Variants in ROBO1 observed in about 807,000 individuals in gnomAD.
ROBO1 encodes the protein roundabout guidance receptor 1.
ROBO1 carries 149 observed loss-of-function variants against 195.9 expected under a neutral mutation model. That is an observed-to-expected ratio of 0.76 (90% CI 0.67 to 0.87). The LOEUF is 0.87. Ranked by LOEUF, ROBO1 falls within the 40% of genes least tolerant of loss-of-function variation. The probability of loss-of-function intolerance (pLI) is 0.00; values close to 1 mark genes in which losing one functional copy is unlikely to be tolerated. For missense variants in ROBO1, 1,933 were observed against 2,068.3 expected (o/e 0.93, Z 1.27); for synonymous variants, 816 against 733.2 (o/e 1.11, Z -1.82).
intron 4 of ROBO1, among the ~76,000 whole-genome samples, chr3:78,854,440 G>T (rs576208082): frequency 2.0e-5 from 3 of 150,440 alleles, no homozygotes; most frequent in Non-Finnish European, 4.4e-5. Context: ...TATCTTACTG[G>T]TTCTATTTGT....
intron 2 of ROBO1, among the ~76,000 whole-genome samples, chr3:79,254,530 G>A (rs1012322659): frequency 6.6e-6 from 1 of 151,980 alleles, no homozygotes; most frequent in Non-Finnish European, 1.5e-5. Flanking sequence ...TATGGCTGCT[G>A]TGGCACAAAT....
intron 2 of ROBO1, among the ~76,000 whole-genome samples, chr3:79,412,874 ATTTTTTTTTTTTTTTT>A (rs1167482550): frequency 0.011 from 426 of 38,400 alleles, 21 homozygotes; most frequent in African/African-American, 0.048. Flanking sequence ...TCATGAGCTG[ATTTTTTTTTTTTTTTT>A]TTTTTTTTTT....
Position 78,891,776 on chromosome 3 carries a change from T to C in ROBO1, c.499+46825A>G, listed in dbSNP as rs1191538483. On this transcript the variant is annotated intron_variant, in intron 4 of 30. Coordinates refer to ENST00000464233, the MANE Select transcript of ROBO1 (RefSeq NM_002941.4). ...TCAGCAATAAAAAATGAATGAACTATTGATGTGTGTAAACTCATAGATGAA... is the reference window on the plus strand; with the variant it reads ...TCAGCAATAAAAAATGAATGAACTACTGATGTGTGTAAACTCATAGATGAA... Among the ~76,000 whole-genome samples the C allele has an allele frequency of 5.9e-5, 9 of 152,326 alleles. No homozygotes were observed. In the South Asian group the frequency reaches 1.7e-3, roughly 28 times the overall value.
chr3:79,735,842 G>A (rs1703353798), intron 1 of ROBO1, among the ~76,000 whole-genome samples: 1 of 144,674 alleles, frequency 6.9e-6, no homozygotes, highest in Non-Finnish European at 1.5e-5. Context: ...CTGCACTCCA[G>A]CCTGGGCGAC....
intron 1 of ROBO1, among the ~76,000 whole-genome samples, chr3:79,675,700 T>C (rs1946763972): frequency 6.6e-6 from 1 of 152,024 alleles, no homozygotes; most frequent in South Asian, 2.1e-4. Context: ...GAAAAACAGG[T>C]TTAATCTTTA....
At chr3:78,991,382 AG>A (rs1414622726) in intron 3 of ROBO1, among the ~76,000 whole-genome samples, 65 of 152,240 alleles carry the variant, frequency 4.3e-4, no homozygotes, top group Admixed American at 1.4e-3. Flanking sequence ...CAAAGTCAGC[AG>A]GAACTTTGGA....
At chr3:78,816,045 GCCAT>G (rs1016583851) in intron 4 of ROBO1, among the ~76,000 whole-genome samples, 10 of 152,098 alleles carry the variant, frequency 6.6e-5, no homozygotes, top group African/African-American at 2.4e-4. Context: ...TTAAAAAGTT[GCCAT>G]CCAAGACTTT....
intron 4 of ROBO1, among the ~76,000 whole-genome samples, chr3:78,825,782 T>C (rs1559895766): frequency 6.6e-6 from 1 of 152,210 alleles, no homozygotes; most frequent in East Asian, 1.9e-4. Flanking sequence ...ATATTCTCTC[T>C]GGGACAATCA....
rs910693433 is a variant in ROBO1 at position 79,363,043 on chromosome 3, C to A, written c.88+226781G>T. ...TTTTTAAGTGATGTAATTTTCTCAGCCTGATGAGGAAAGCTTTCATATGTT... is the reference window on the plus strand; with the variant it reads ...TTTTTAAGTGATGTAATTTTCTCAGACTGATGAGGAAAGCTTTCATATGTT... On this transcript the variant is annotated intron_variant, in intron 2 of 30. Coordinates refer to ENST00000464233, the MANE Select transcript of ROBO1 (RefSeq NM_002941.4). Among the ~76,000 whole-genome samples the A allele has an allele frequency of 9.8e-4, 149 of 152,210 alleles. 1 individual carries two copies. Among genetic ancestry groups the A allele is most frequent in the African/African-American group, 3.2e-3 (134 of 41,544 alleles).
chr3:79,259,647 A>G (rs761042238), intron 2 of ROBO1, among the ~76,000 whole-genome samples: 3 of 151,972 alleles, frequency 2.0e-5, no homozygotes, highest in Non-Finnish European at 2.9e-5. Context: ...ACAGAATGGG[A>G]GAAAATATTT....
chr3:79,097,160 C>T (rs1247408203), intron 3 of ROBO1, among the ~76,000 whole-genome samples: 1 of 151,774 alleles, frequency 6.6e-6, no homozygotes, highest in Non-Finnish European at 1.5e-5. Flanking sequence ...TCAGAGTCTA[C>T]ACATGGAACC....
At chr3:79,682,658 C>T (rs1184074989) in intron 1 of ROBO1, among the ~76,000 whole-genome samples, 1 of 152,028 alleles carries the variant, frequency 6.6e-6, no homozygotes, top group East Asian at 1.9e-4. Flanking sequence ...ACACAAACTA[C>T]ACACACTACA....
chr3:78,974,058 T>C (rs1190531867), intron 3 of ROBO1, among the ~76,000 whole-genome samples: 3 of 152,298 alleles, frequency 2.0e-5, no homozygotes, highest in East Asian at 3.9e-4. Flanking sequence ...AAGCAAAATA[T>C]TCTTCCTGTT....
intron 2 of ROBO1, among the ~76,000 whole-genome samples, chr3:79,247,531 A>AT (rs944623783): frequency 1.3e-5 from 2 of 151,618 alleles, no homozygotes; most frequent in Admixed American, 6.6e-5. Flanking sequence ...GAAAATAAAC[A>AT]TTTTTTTTAA....
chr3:79,496,767 AC>A (rs564200812), intron 2 of ROBO1, among the ~76,000 whole-genome samples: 201 of 152,278 alleles, frequency 1.3e-3, no homozygotes, highest in African/African-American at 4.7e-3. Flanking sequence ...AGAAAATGTT[AC>A]TATTTCATTG....
At chr3:79,192,650 C>T (rs116737810) in intron 2 of ROBO1, among the ~76,000 whole-genome samples, 2 of 151,498 alleles carry the variant, frequency 1.3e-5, no homozygotes, top group African/African-American at 4.8e-5. Flanking sequence ...GACAAATCTT[C>T]TCATGTTGAA....
At chr3:79,020,243 A>G (rs984667205) in intron 3 of ROBO1, among the ~76,000 whole-genome samples, 6 of 152,230 alleles carry the variant, frequency 3.9e-5, no homozygotes, top group Non-Finnish European at 7.3e-5. Flanking sequence ...CCAACCTGCC[A>G]GTTATAGCTC....
At chr3:78,877,745 C>T (rs974866560) in intron 4 of ROBO1, among the ~76,000 whole-genome samples, 2 of 152,064 alleles carry the variant, frequency 1.3e-5, no homozygotes, top group Non-Finnish European at 2.9e-5. Context: ...TTCATTCATA[C>T]AATGAAATAT....
chr3:79,091,412 A>G (rs979627408), intron 3 of ROBO1, among the ~76,000 whole-genome samples: 2 of 152,168 alleles, frequency 1.3e-5, no homozygotes, highest in Non-Finnish European at 1.5e-5. Context: ...TTAGTCTTGC[A>G]TTACATTCTA....
Sources: gnomAD v4.1 joint callset for allele counts (sites outside exome capture counted in the v4.1 genomes callset) on GRCh38, gnomAD v4.1.1 for gene constraint, MANE v1.5 for transcripts, NCBI Gene and HGNC (gene_info 2026-07-23, HGNC 2026-07-21) for gene names.